CARD8: variants seen among roughly 807,000 people sequenced by gnomAD.
The protein encoded by CARD8 is caspase recruitment domain family member 8.
CARD8 carries 38 observed loss-of-function variants against 53.2 expected under a neutral mutation model. That is an observed-to-expected ratio of 0.71 (90% CI 0.55 to 0.94). CARD8 has a LOEUF of 0.94. Among genes scored for constraint, CARD8 ranks in the 40% least tolerant of loss-of-function variants. The pLI is 0.00. For synonymous variants in CARD8, 245 were observed against 244.9 expected (o/e 1.00, Z 0.00); for missense variants, 561 against 655.5 (o/e 0.86, Z 1.57).
chr19:48,223,295 C>T lies in CARD8; in HGVS notation c.1036-1440G>A, dbSNP rs1317690006. Among the ~76,000 whole-genome samples, 4 of 149,776 alleles carry T rather than the reference C, an allele frequency of 2.7e-5. No homozygotes were observed. The South Asian group carries it at 6.3e-4, about 24-fold the overall frequency. ...CTCCAGCCTGAGCGACAGAGCAAGA[C>T]TCTGTCTCAAAAAAAAAAAAAGAAA... On this transcript the variant is annotated intron_variant, in intron 10 of 13. Coordinates refer to ENST00000651546, the MANE Select transcript of CARD8 (RefSeq NM_001184900.3).
At chr19:48,254,775 A>C (rs141704528) in intron 1 of CARD8, among the ~76,000 whole-genome samples, 1,783 of 152,268 alleles carry the variant, frequency 0.012, 130 homozygotes, top group Admixed American at 0.1. Context: ...GAAGGCCATG[A>C]AGAGAGGGCT....
chr19:48,226,523 C>A (rs548444190), intron 10 of CARD8, among the ~76,000 whole-genome samples: 1 of 152,254 alleles, frequency 6.6e-6, no homozygotes, highest in African/African-American at 2.4e-5. Context: ...CCATGCCCAG[C>A]CCCATCATTT....
At chr19:48,223,621 T>C (rs142581932) in intron 10 of CARD8, 14 of 291,262 alleles carry the variant, frequency 4.8e-5, no homozygotes, top group Non-Finnish European at 6.8e-5. Context: ...AATTAAATTA[T>C]AGTAATAACA....
chr19:48,221,950 G>T, intron 10 of CARD8, 95 bp from the exon 11 acceptor site: 1 of 968,460 alleles, frequency 1.0e-6, no homozygotes, highest in Non-Finnish European at 1.5e-6. Flanking sequence ...TAAGTAGCAC[G>T]TAGGCTATGA....
intron 8 of CARD8, 72 bp from the exon 9 acceptor site, chr19:48,231,078 G>A (rs2042790919): frequency 7.8e-7 from 1 of 1,284,818 alleles, no homozygotes; most frequent in Admixed American, 1.9e-5. Flanking sequence ...TGTGCAGAGG[G>A]AGGTGGGATT....
At chr19:48,241,093 G>A (rs1312059035) in intron 3 of CARD8, 30 bp from the exon 4 acceptor site, 1 of 1,186,916 alleles carries the variant, frequency 8.4e-7, no homozygotes, top group African/African-American at 1.5e-5. Context: ...TTGTATTTAG[G>A]TACTTGGGAA....
chr19:48,246,604 T>C (rs1039557295), intron 3 of CARD8, among the ~76,000 whole-genome samples: 2 of 144,128 alleles, frequency 1.4e-5, no homozygotes, highest in Admixed American at 6.8e-5. Context: ...ATACATGAAA[T>C]AGAAAATCAA....
chr19:48,217,684 G>C (rs1004609224), intron 12 of CARD8, among the ~76,000 whole-genome samples: 2 of 152,104 alleles, frequency 1.3e-5, no homozygotes, highest in African/African-American at 4.8e-5. Flanking sequence ...CCAAGACAAG[G>C]ATCTGCTACT....
Position 48,247,708 on chromosome 19 carries a change from C to A in CARD8, c.-44+1815G>T, listed in dbSNP as rs147419608. On this transcript the variant is annotated intron_variant, in intron 3 of 13. Coordinates refer to ENST00000651546, the MANE Select transcript of CARD8 (RefSeq NM_001184900.3). ...AAAACCTCCACCTAAAATTTTCACA[C>A]GCAAAATTTTATATATATATACTAT... Among the ~76,000 whole-genome samples, 1,352 of 150,902 alleles carry A rather than the reference C, an allele frequency of 9.0e-3. 12 individuals are homozygous for A. The highest frequency in any genetic ancestry group is 0.015 in the Non-Finnish European group (1,039 of 67,750).
intron 4 of CARD8, among the ~76,000 whole-genome samples, chr19:48,238,779 A>AGACATGCCCATCCATAGAGATGCCATC (rs34563332): frequency 6.6e-6 from 1 of 151,922 alleles, no homozygotes; most frequent in African/African-American, 2.4e-5. Context: ...CCTTAGAGAT[A>AGACATGCCCATCCATAGAGATGCCATC]CTATCCTTAG....
At chr19:48,231,071 G>T in intron 8 of CARD8, 65 bp from the exon 9 acceptor site, 2 of 1,320,252 alleles carry the variant, frequency 1.5e-6, no homozygotes, top group Non-Finnish European at 2.2e-6. Context: ...GCAGCGATGT[G>T]CAGAGGGAGG....
At chr19:48,250,984 A>G (rs1007160752) in intron 1 of CARD8, among the ~76,000 whole-genome samples, 1 of 152,232 alleles carries the variant, frequency 6.6e-6, no homozygotes, top group African/African-American at 2.4e-5. Flanking sequence ...TTTAAAGACA[A>G]CTAATTGAAG....
At chr19:48,234,364 C>A in intron 6 of CARD8, 39 bp downstream of exon 6, 2 of 1,576,520 alleles carry the variant, frequency 1.3e-6, no homozygotes, top group African/African-American at 1.4e-5. Context: ...TATTGAGACA[C>A]AGCGTCCAAT....
intron 10 of CARD8, among the ~76,000 whole-genome samples, chr19:48,225,905 T>C (rs923368687): frequency 1.3e-5 from 2 of 151,928 alleles, no homozygotes; most frequent in African/African-American, 4.8e-5. Flanking sequence ...ATACGAAAAT[T>C]AGCCGGGCAT....
chr19:48,213,407 C>T (rs1178780378), intron 13 of CARD8, among the ~76,000 whole-genome samples: 3 of 152,170 alleles, frequency 2.0e-5, no homozygotes, highest in African/African-American at 7.2e-5. Context: ...CAAAGTCTCA[C>T]TCTTGTCCCC....
At chr19:48,221,023 A>AGAAG in intron 11 of CARD8, among the ~76,000 whole-genome samples, 2 of 150,962 alleles carry the variant, frequency 1.3e-5, no homozygotes, top group East Asian at 1.9e-4. Context: ...AAAGAAAGAA[A>AGAAG]GAGAGAAAGA....
intron 13 of CARD8, chr19:48,215,119 C>G: frequency 2.3e-6 from 1 of 427,796 alleles, no homozygotes; most frequent in Non-Finnish European, 4.3e-6. Context: ...AATAAACTTT[C>G]TCTCCTGCTC....
intron 1 of CARD8, among the ~76,000 whole-genome samples, chr19:48,254,124 G>T (rs146319719): frequency 6.6e-6 from 1 of 152,166 alleles, no homozygotes; most frequent in Non-Finnish European, 1.5e-5. Context: ...AAATAATTGA[G>T]CCAGGTGAAG....
At chr19:48,207,967 C>T (rs928771554), downstream of CARD8, 2 of 151,892 alleles carry the variant, frequency 1.3e-5, no homozygotes, top group Non-Finnish European at 1.5e-5. Flanking sequence ...AGCTCCTGGC[C>T]TCATCTGATT....
Sources: gnomAD v4.1 joint callset for allele counts (sites outside exome capture counted in the v4.1 genomes callset) on GRCh38, gnomAD v4.1.1 for gene constraint, MANE v1.5 for transcripts, NCBI Gene and HGNC (gene_info 2026-07-23, HGNC 2026-07-21) for gene names.